Variants in MOSMO observed in about 807,000 individuals in gnomAD.
MOSMO encodes the protein modulator of smoothened protein.
MOSMO carries 5 observed loss-of-function variants against 18.4 expected under a neutral mutation model. The observed-to-expected ratio is 0.27, with a 90% confidence interval of 0.14 to 0.57. The LOEUF (loss-of-function observed/expected upper bound fraction) is 0.57. Among genes scored for constraint, MOSMO ranks in the 20% least tolerant of loss-of-function variants. The pLI, the probability that MOSMO is intolerant of heterozygous loss-of-function variation, is 0.92. For missense variants in MOSMO, 138 were observed against 211.8 expected (o/e 0.65, Z 2.16); for synonymous variants, 82 against 82.3 (o/e 1.00, Z 0.02).
At chr16:22,072,500 G>A (rs1436697758) in intron 1 of MOSMO, among the ~76,000 whole-genome samples, 1 of 152,180 alleles carries the variant, frequency 6.6e-6, no homozygotes, top group Non-Finnish European at 1.5e-5. Context: ...TGCTGAGCAC[G>A]AGAGAGACTC....
chr16:22,075,109 A>G (rs1348366102), intron 1 of MOSMO, among the ~76,000 whole-genome samples: 1 of 152,178 alleles, frequency 6.6e-6, no homozygotes, highest in African/African-American at 2.4e-5. Flanking sequence ...CTAGGAATCA[A>G]AAAATACCAG....
intron 1 of MOSMO, among the ~76,000 whole-genome samples, chr16:22,029,127 C>T (rs1899942479): frequency 1.3e-5 from 2 of 152,152 alleles, no homozygotes; most frequent in African/African-American, 4.8e-5. Context: ...GCCTCTGCCT[C>T]CCAAAGTGCT....
At chr16:22,089,489 C>G (rs1901251550), downstream of MOSMO, among the ~76,000 whole-genome samples, 1 of 152,182 alleles carries the variant, frequency 6.6e-6, no homozygotes. Context: ...CTGCTCCTCA[C>G]CCCTACTCCC....
At chr16:22,044,244 A>C (rs182154235) in intron 1 of MOSMO, among the ~76,000 whole-genome samples, 1 of 152,278 alleles carries the variant, frequency 6.6e-6, no homozygotes, top group East Asian at 1.9e-4. Flanking sequence ...ATGGAGTACT[A>C]CCCACTGAAG....
At chr16:22,086,384 A>G (rs190635751), downstream of MOSMO, among the ~76,000 whole-genome samples, 258 of 152,210 alleles carry the variant, frequency 1.7e-3, 1 homozygote, top group African/African-American at 6.0e-3. Context: ...CCTGTTCTCC[A>G]TTCTAGATTC....
At chr16:22,032,647 A>G (rs1291257410) in intron 1 of MOSMO, among the ~76,000 whole-genome samples, 1 of 152,106 alleles carries the variant, frequency 6.6e-6, no homozygotes, top group Non-Finnish European at 1.5e-5. Context: ...CCTGGGCTCA[A>G]GGTATCCTGC....
intron 1 of MOSMO, among the ~76,000 whole-genome samples, chr16:22,044,950 C>A (rs1013089932): frequency 2.6e-5 from 4 of 151,032 alleles, no homozygotes; most frequent in Admixed American, 6.6e-5. Flanking sequence ...CCAGGGTGGG[C>A]AGATTGCTTG....
In MOSMO at chr16:22,082,225, T is replaced by G. The variant is rs976414824; in HGVS notation, c.*1345T>G. The G allele has an allele frequency of 3.9e-5, 6 of 152,202 alleles. No homozygotes were observed. The highest frequency in any genetic ancestry group is 1.4e-4 in the African/African-American group (6 of 41,460). The allele number at this position is 152,202 out of a possible 1,614,324, so 9.4% of individuals were successfully genotyped here. ...TATTTTCTTTATATGTTATATGCCTTTGTTTGCTAAAAGCTAATATTTTTG... is the reference window on the plus strand; with the variant it reads ...TATTTTCTTTATATGTTATATGCCTGTGTTTGCTAAAAGCTAATATTTTTG... On this transcript the variant is annotated 3_prime_UTR_variant, in exon 3 of 3. Transcript: ENST00000542527.
At chr16:22,092,557 C>G in the MOSMO span, 1 of 1,531,454 alleles carries the variant, frequency 6.5e-7, no homozygotes, top group Non-Finnish European at 8.8e-7. Flanking sequence ...CTTGGAGGAG[C>G]TTGGAGAAAC....
chr16:22,009,804 CAAAAAAAAAAAAAAAAA>C (rs56313303), intron 1 of MOSMO, among the ~76,000 whole-genome samples: 14 of 35,962 alleles, frequency 3.9e-4, no homozygotes, highest in South Asian at 3.7e-3. Context: ...ACTAAAAATA[CAAAAAAAAAAAAAAAAA>C]AAAAAAAAAA....
At chr16:22,078,877 C>G (rs1435076474) in intron 2 of MOSMO, among the ~76,000 whole-genome samples, 1 of 152,090 alleles carries the variant, frequency 6.6e-6, no homozygotes, top group Non-Finnish European at 1.5e-5. Context: ...AAGCTAAAAG[C>G]TATAAAACAT....
rs918428081 is a variant in MOSMO, at chr16:22,081,858, C to G, written c.*978C>G. On this transcript the variant is annotated 3_prime_UTR_variant, in exon 3 of 3. Coordinates refer to ENST00000542527, the MANE Select transcript of MOSMO (RefSeq NM_001164579.2). ...GGTTTTTGTAATAGGTACAGATAAT[C>G]CCATACCTTTCTAGGTGCGATTTTA... The G allele has an allele frequency of 2.6e-5, 4 of 151,950 alleles. No homozygotes were observed. The highest frequency in any genetic ancestry group is 9.7e-5 in the African/African-American group (4 of 41,378). 9.4% of individuals were successfully genotyped at this position (151,950 alleles called of 1,614,324 possible). A position where few individuals can be genotyped will look rare whatever the true frequency, so the allele number is the denominator to read the frequency against.
intron 1 of MOSMO, among the ~76,000 whole-genome samples, chr16:22,031,682 A>G (rs1208237402): frequency 2.6e-5 from 4 of 152,224 alleles, no homozygotes; most frequent in Admixed American, 1.3e-4. Flanking sequence ...TGCAACATGT[A>G]TCAGTACTTC....
At chr16:22,057,916 G>C (rs545772841) in intron 1 of MOSMO, among the ~76,000 whole-genome samples, 6 of 152,282 alleles carry the variant, frequency 3.9e-5, no homozygotes, top group South Asian at 2.1e-4. Flanking sequence ...AAGTGGAAAA[G>C]AGTTTGGTGC....
At chr16:22,061,381 C>A (rs1567511594) in intron 1 of MOSMO, among the ~76,000 whole-genome samples, 1 of 152,174 alleles carries the variant, frequency 6.6e-6, no homozygotes, top group Non-Finnish European at 1.5e-5. Flanking sequence ...GACAATGAAG[C>A]TTTTTGCTCA....
downstream of MOSMO, chr16:22,085,985 G>A (rs8048046): frequency 6.6e-6 from 1 of 152,102 alleles, no homozygotes; most frequent in Admixed American, 6.5e-5. Flanking sequence ...AAATGTCAAA[G>A]AGCATGTCCA....
intron 1 of MOSMO, among the ~76,000 whole-genome samples, chr16:22,055,710 A>G (rs1900519502): frequency 6.6e-6 from 1 of 152,174 alleles, no homozygotes; most frequent in Non-Finnish European, 1.5e-5. Context: ...TTCCAGAACA[A>G]TCATCAGTCT....
chr16:22,053,230 TG>T (rs1900464411), intron 1 of MOSMO, among the ~76,000 whole-genome samples: 2 of 151,946 alleles, frequency 1.3e-5, no homozygotes, highest in South Asian at 4.1e-4. Context: ...CCCAACGTGC[TG>T]GGATTACAGG....
chr16:22,012,406 A>G (rs1899550571), intron 1 of MOSMO, among the ~76,000 whole-genome samples: 1 of 152,208 alleles, frequency 6.6e-6, no homozygotes, highest in East Asian at 1.9e-4. Context: ...GAGTTAACCC[A>G]TGTCAAACAT....
Sources: allele counts gnomAD v4.1 joint callset (sites outside exome capture counted in the v4.1 genomes callset), GRCh38; gene constraint gnomAD v4.1.1; transcripts MANE v1.5; gene names NCBI Gene and HGNC (gene_info 2026-07-23, HGNC 2026-07-21).